Variants in ZFYVE16 observed in about 807,000 individuals in gnomAD.
The protein encoded by ZFYVE16 is zinc finger FYVE-type containing 16.
ZFYVE16 carries 89 observed loss-of-function variants against 138.1 expected under a neutral mutation model. That is an observed-to-expected ratio of 0.64 (90% CI 0.54 to 0.77). The LOEUF is 0.77. Among genes scored for constraint, ZFYVE16 ranks in the 30% least tolerant of loss-of-function variants. The probability of loss-of-function intolerance (pLI) is 0.00; values close to 1 mark genes in which losing one functional copy is unlikely to be tolerated. For synonymous variants in ZFYVE16, 596 were observed against 618.3 expected (o/e 0.96, Z 0.53); for missense variants, 1,793 against 1,786.7 (o/e 1.00, Z -0.06).
chr5:80,437,756 C>T lies in ZFYVE16; in HGVS notation c.1071C>T (p.Ile357=). The T allele has an allele frequency of 1.2e-6, 2 of 1,614,058 alleles. No homozygotes were observed. The highest frequency in any genetic ancestry group is 1.6e-4 in the Middle Eastern group (1 of 6,062). The change falls in exon 4 of 19, where the codon ATC becomes ATT. Residue 357 remains isoleucine, a synonymous_variant. Transcript: ENST00000505560. The part of the protein sequence containing the change: ...KSLDLKDNDV[I]QDSSSALHVS... ...TAGACCTTAAGGATAATGATGTAATCCAAGATTCCTCTTCAGCTTTACATG... is the reference window on the plus strand; with the variant it reads ...TAGACCTTAAGGATAATGATGTAATTCAAGATTCCTCTTCAGCTTTACATG...
chr5:80,465,468 A>G (rs1160964850), intron 15 of ZFYVE16, among the ~76,000 whole-genome samples: 3 of 119,280 alleles, frequency 2.5e-5, no homozygotes, highest in Non-Finnish European at 3.2e-5. Context: ...GTGCAGTGGC[A>G]TAATCACAGC....
At position 80,438,679 on chromosome 5, in the gene ZFYVE16, T is replaced by C. The variant is rs753664126; in HGVS notation, c.1994T>C (p.Leu665Pro). Residue 665 changes from leucine to proline, a missense_variant, in exon 4 of 19, where the codon CTG becomes CCG. Transcript: ENST00000505560. ...LPSRTRSSKD[L>P]NKPDVPDTIE... ...TCAAGAACAAGGAGTTCAAAGGACC[T>C]GAATAAGCCAGATGTTCCAGATACA... 5.0e-6 allele frequency: 8 copies of C among 1,613,984 alleles called. No individual in the cohort carries two copies. In the Admixed American group the frequency reaches 8.3e-5, roughly 17 times the overall value.
At chr5:80,421,142 T>C (rs1485295852) in intron 1 of ZFYVE16, among the ~76,000 whole-genome samples, 1 of 151,780 alleles carries the variant, frequency 6.6e-6, no homozygotes, top group Non-Finnish European at 1.5e-5. Flanking sequence ...TTGATGGGGT[T>C]GTTTGTTTTT....
chr5:80,436,692 A>G (rs1561268025), intron 3 of ZFYVE16, 64 bp from the exon 4 acceptor site: 1 of 1,404,262 alleles, frequency 7.1e-7, no homozygotes, highest in African/African-American at 1.5e-5. Context: ...CTTGGGAAAC[A>G]TAATATGTTT....
At chr5:80,445,132 T>C in intron 6 of ZFYVE16, 131 bp from the exon 7 acceptor site, 1 of 927,130 alleles carries the variant, frequency 1.1e-6, no homozygotes, top group Non-Finnish European at 1.6e-6. Flanking sequence ...CTCTAGATCT[T>C]TGTAGCCCTG....
chr5:80,459,230 A>G (rs1373125833), intron 14 of ZFYVE16, among the ~76,000 whole-genome samples, 184 bp from the exon 15 acceptor site: 1 of 152,112 alleles, frequency 6.6e-6, no homozygotes, highest in Non-Finnish European at 1.5e-5. Flanking sequence ...GCCCAGCCGC[A>G]TTAAATTATT....
At chr5:80,457,224 C>T in intron 14 of ZFYVE16, 132 bp downstream of exon 14, 1 of 1,304,150 alleles carries the variant, frequency 7.7e-7, no homozygotes, top group East Asian at 2.8e-5. Flanking sequence ...TTTGAAATTT[C>T]AGCTACACAA....
rs1744875791 is a variant in ZFYVE16, at chr5:80,408,162, C to A, written c.-94+9C>A. ...GCAGGGGCTGTAGGGAGGTAAGAGC[C>A]CCCCGTGACCGGTCGTCTCGGCCTC... On this transcript the variant is annotated intron_variant, in intron 1 of 18. Coordinates refer to ENST00000505560, the MANE Select transcript of ZFYVE16 (RefSeq NM_001284236.3). 1 of 152,336 alleles carries A rather than the reference C, an allele frequency of 6.6e-6. No homozygotes were observed. Among genetic ancestry groups the A allele is most frequent in the Non-Finnish European group, 1.5e-5 (1 of 68,116 alleles). 9.4% of individuals were successfully genotyped at this position (152,336 alleles called of 1,614,324 possible).
rs1012230846 is a variant in ZFYVE16, at chr5:80,411,540, A to G, written c.-94+3387A>G. 3.3e-5 allele frequency: 5 copies of G among 152,308 alleles called. No individual in the cohort carries two copies. The South Asian group carries it at 6.2e-4, about 19-fold the overall frequency. The allele number at this position is 152,308 out of a possible 1,614,324, so 9.4% of individuals were successfully genotyped here. A position where few individuals can be genotyped will look rare whatever the true frequency, so the allele number is the denominator to read the frequency against. On this transcript the variant is annotated intron_variant, in intron 1 of 18. Transcript: ENST00000505560. ...TGGATATTTTTCTACTGAAGTACAT[A>G]TAACTGGGCAAAGTTTTATCCTGAG... is the stretch of plus-strand genomic sequence containing the variant.
At position 80,477,329 on chromosome 5, in the gene ZFYVE16, A is replaced by G. The variant is rs770840039; in HGVS notation, c.4572A>G (p.Leu1524=). The G allele has an allele frequency of 1.9e-5, 30 of 1,609,666 alleles. No individual in the cohort carries two copies. The East Asian group carries it at 5.8e-4, about 31-fold the overall frequency. Residue 1524 remains leucine, a synonymous_variant, in exon 19 of 19, where the codon TTA becomes TTG. Transcript: ENST00000505560. ...VIHGGTSNSS[L]PLEIELVFFI... The stretch of plus-strand genomic sequence containing the variant: ...ATGGTGGGACCTCCAACTCTAGTTT[A>G]CCATTAGAAATAGAATTAGTGTTTT...
At chr5:80,423,657 T>G (rs1747560553) in intron 1 of ZFYVE16, among the ~76,000 whole-genome samples, 1 of 152,158 alleles carries the variant, frequency 6.6e-6, no homozygotes, top group African/African-American at 2.4e-5. Context: ...TGCCTCAGCC[T>G]CCCAGGTAGC....
intron 2 of ZFYVE16, among the ~76,000 whole-genome samples, chr5:80,431,013 G>A (rs568840079): frequency 2.0e-5 from 3 of 152,264 alleles, no homozygotes; most frequent in Non-Finnish European, 2.9e-5. Flanking sequence ...AGAGGTACAA[G>A]GAGGAGCTGG....
intron 8 of ZFYVE16, among the ~76,000 whole-genome samples, chr5:80,449,237 A>C (rs1022384659): frequency 6.6e-6 from 1 of 152,154 alleles, no homozygotes; most frequent in Non-Finnish European, 1.5e-5. Flanking sequence ...GACTACTTTC[A>C]TAGACTTGTA....
intron 15 of ZFYVE16, among the ~76,000 whole-genome samples, chr5:80,465,660 C>T (rs188428824): frequency 3.4e-4 from 51 of 151,866 alleles, no homozygotes; most frequent in Middle Eastern, 3.4e-3. Context: ...CCTCCTGCCT[C>T]GCCCTCCCAA....
intron 11 of ZFYVE16, chr5:80,452,271 C>G (rs1209439549): frequency 6.6e-6 from 1 of 152,016 alleles, no homozygotes; most frequent in Non-Finnish European, 1.5e-5. Flanking sequence ...CCTGTCTCTA[C>G]TAAAAATACA....
At chr5:80,472,690 G>A in intron 15 of ZFYVE16, 71 bp from the exon 16 acceptor site, 25 of 1,419,014 alleles carry the variant, frequency 1.8e-5, no homozygotes, top group Non-Finnish European at 2.4e-5. Context: ...TATTTTGATA[G>A]CAAATTTTAT....
At chr5:80,428,958 A>G (rs1050257826) in intron 2 of ZFYVE16, among the ~76,000 whole-genome samples, 2 of 152,214 alleles carry the variant, frequency 1.3e-5, no homozygotes, top group Non-Finnish European at 2.9e-5. Flanking sequence ...GGACTGTGTG[A>G]AAAGACCAAA....
rs776359815 is a variant in ZFYVE16 at position 80,440,085 on chromosome 5, T to C, written c.2419+53T>C. 3 of 1,545,528 alleles carry C rather than the reference T, an allele frequency of 1.9e-6. No individual in the cohort carries two copies. In the South Asian group the frequency reaches 3.7e-5, roughly 19 times the overall value. On this transcript the variant is annotated intron_variant, in intron 5 of 18. Transcript: ENST00000505560. The stretch of plus-strand genomic sequence containing the variant: ...CCAGTAATTGAATATATCTTAAAAT[T>C]AATTGGATTGTGACAAAGATAAACT...
Position 80,434,033 on chromosome 5 carries a change from T to G in ZFYVE16, c.-39-76T>G, listed in dbSNP as rs188072477. The G allele has an allele frequency of 6.5e-5, 62 of 961,196 alleles. No individual in the cohort carries two copies. In the East Asian group the frequency reaches 1.5e-3, roughly 24 times the overall value. 59.5% of individuals were successfully genotyped at this position (961,196 alleles called of 1,614,324 possible). A position where few individuals can be genotyped will look rare whatever the true frequency, so the allele number is the denominator to read the frequency against. On this transcript the variant is annotated intron_variant, in intron 2 of 18. Coordinates refer to ENST00000505560, the MANE Select transcript of ZFYVE16 (RefSeq NM_001284236.3). Reference sequence around the variant, plus strand: ...TTTCTGTGTCAATTTCTTGACTGTGTTTCCTGGCATGGAATACATGGCATA... The same window carrying G: ...TTTCTGTGTCAATTTCTTGACTGTGGTTCCTGGCATGGAATACATGGCATA...
Sources: allele counts gnomAD v4.1 joint callset (sites outside exome capture counted in the v4.1 genomes callset), GRCh38; gene constraint gnomAD v4.1.1; transcripts MANE v1.5; gene names NCBI Gene and HGNC (gene_info 2026-07-23, HGNC 2026-07-21).